GPHN: variants seen among roughly 807,000 people sequenced by gnomAD.
GPHN encodes the protein gephyrin.
In GPHN, 17 loss-of-function variants were observed where a neutral mutation model predicts 95.5. That is an observed-to-expected ratio of 0.18 (90% CI 0.12 to 0.27). The LOEUF is 0.27. GPHN is among the 10% of genes least tolerant of loss of function. GPHN has a pLI of 1.00. For synonymous variants in GPHN, 320 were observed against 322.5 expected (o/e 0.99, Z 0.08); for missense variants, 660 against 978.1 (o/e 0.67, Z 4.34).
the GPHN span, among the ~76,000 whole-genome samples, chr14:67,465,231 G>T: frequency 6.6e-6 from 1 of 152,256 alleles, no homozygotes. Context: ...AACCAATGTT[G>T]CCAGCTTTAA....
the GPHN span, chr14:67,203,369 C>T: frequency 8.0e-7 from 1 of 1,249,236 alleles, no homozygotes; most frequent in Non-Finnish European, 1.1e-6. Context: ...AACGGAAACA[C>T]TGATGACAAT....
chr14:67,349,233 GTCCTTTTTCC>G, the GPHN span: 1 of 900,880 alleles, frequency 1.1e-6, no homozygotes, highest in African/African-American at 1.7e-5. Flanking sequence ...TTTGATAACT[GTCCTTTTTCC>G]AAAAAGGGAG....
At chr14:66,580,326 G>T (rs1474846432) in intron 1 of GPHN, among the ~76,000 whole-genome samples, 1 of 151,696 alleles carries the variant, frequency 6.6e-6, no homozygotes, top group African/African-American at 2.4e-5. Context: ...TAAGCCCATA[G>T]TTAGTTGAAT....
intron 21 of GPHN, among the ~76,000 whole-genome samples, chr14:67,178,603 C>T (rs1250661003): frequency 6.6e-6 from 1 of 151,760 alleles, no homozygotes; most frequent in Non-Finnish European, 1.5e-5. Context: ...TTTGAATCAA[C>T]AAATATTTTT....
At chr14:67,366,374 C>G in the GPHN span, among the ~76,000 whole-genome samples, 1 of 152,072 alleles carries the variant, frequency 6.6e-6, no homozygotes, top group Non-Finnish European at 1.5e-5. Context: ...GCTCAGCCTT[C>G]TTTTTCTATT....
intron 1 of GPHN, among the ~76,000 whole-genome samples, chr14:66,542,703 C>G (rs1452741692): frequency 6.6e-6 from 1 of 152,184 alleles, no homozygotes; most frequent in Admixed American, 6.5e-5. Flanking sequence ...TTTGACACTA[C>G]TTCCCTTACC....
intron 2 of GPHN, among the ~76,000 whole-genome samples, chr14:66,694,266 T>A (rs2153409610): frequency 6.6e-6 from 1 of 152,160 alleles, no homozygotes; most frequent in African/African-American, 2.4e-5. Context: ...AAGACAGACA[T>A]CTATCAATCA....
intron 2 of GPHN, among the ~76,000 whole-genome samples, chr14:66,693,618 T>C (rs940432203): frequency 1.3e-5 from 2 of 152,200 alleles, no homozygotes; most frequent in Non-Finnish European, 2.9e-5. Context: ...TTGCTCTATT[T>C]CGGTCCCCTC....
At chr14:66,926,127 A>G (rs554522873) in intron 8 of GPHN, among the ~76,000 whole-genome samples, 2 of 152,140 alleles carry the variant, frequency 1.3e-5, no homozygotes, top group South Asian at 4.1e-4. Flanking sequence ...AGAGTTGTTT[A>G]TATAGTCTGG....
intron 2 of GPHN, among the ~76,000 whole-genome samples, chr14:66,758,674 G>T (rs868460202): frequency 4.6e-5 from 7 of 152,262 alleles, no homozygotes; most frequent in Middle Eastern, 3.4e-3. Flanking sequence ...TAAGGTTTGG[G>T]TGCATGGGGC....
chr14:66,868,702 T>C (rs912862397), intron 4 of GPHN, among the ~76,000 whole-genome samples: 2 of 152,180 alleles, frequency 1.3e-5, no homozygotes, highest in African/African-American at 2.4e-5. Context: ...CCATATGTTC[T>C]GTACATTTTT....
intron 1 of GPHN, among the ~76,000 whole-genome samples, chr14:66,680,587 G>A (rs1170045148): frequency 6.6e-6 from 1 of 152,098 alleles, no homozygotes; most frequent in African/African-American, 2.4e-5. Context: ...TTCCTTAGTA[G>A]TGTCCTTCTT....
At chr14:66,787,858 T>TTATATA (rs1555406304) in intron 3 of GPHN, among the ~76,000 whole-genome samples, 5 of 150,612 alleles carry the variant, frequency 3.3e-5, no homozygotes, top group African/African-American at 9.7e-5. Flanking sequence ...ATAAAAAGTA[T>TTATATA]TATATATATA....
chr14:67,477,905 C>A, the GPHN span, among the ~76,000 whole-genome samples: 11 of 152,222 alleles, frequency 7.2e-5, no homozygotes, highest in African/African-American at 1.9e-4. Flanking sequence ...GCTTCCTCTG[C>A]CACATCCCCA....
At chr14:66,839,270 T>A (rs767484142) in intron 4 of GPHN, among the ~76,000 whole-genome samples, 17 of 152,240 alleles carry the variant, frequency 1.1e-4, no homozygotes, top group Non-Finnish European at 2.2e-4. Flanking sequence ...CAGTCCATCA[T>A]GCTGGAAGGA....
the GPHN span, among the ~76,000 whole-genome samples, chr14:67,683,406 C>T: frequency 6.6e-6 from 1 of 152,094 alleles, no homozygotes; most frequent in Non-Finnish European, 1.5e-5. Context: ...ATCTGCTATA[C>T]ATTTCTACTT....
At chr14:67,583,950 G>C in the GPHN span, 1 of 1,612,670 alleles carries the variant, frequency 6.2e-7, no homozygotes, top group Non-Finnish European at 8.5e-7. Flanking sequence ...ATGAAGACAC[G>C]TCGGCACTTC....
intron 8 of GPHN, among the ~76,000 whole-genome samples, chr14:66,927,908 A>ATG (rs2066571588): frequency 6.6e-6 from 1 of 152,170 alleles, no homozygotes. Flanking sequence ...ATGATGAATG[A>ATG]TGTTTTTAAT....
intron 2 of GPHN, among the ~76,000 whole-genome samples, chr14:66,773,964 A>G (rs951360223): frequency 1.3e-5 from 2 of 150,080 alleles, no homozygotes; most frequent in African/African-American, 2.4e-5. Flanking sequence ...GACTGCTGAC[A>G]TAAGGTAATT....
Sources: gnomAD v4.1 joint callset for allele counts (sites outside exome capture counted in the v4.1 genomes callset) on GRCh38, gnomAD v4.1.1 for gene constraint, MANE v1.5 for transcripts, NCBI Gene and HGNC (gene_info 2026-07-23, HGNC 2026-07-21) for gene names.